Variants in EPYC observed in about 807,000 individuals in gnomAD.
EPYC encodes dermatan sulfate proteoglycan 3.
Under a neutral mutation model 30.1 loss-of-function variants are expected in EPYC, and 28 were observed. That is an observed-to-expected ratio of 0.93 (90% CI 0.69 to 1.28). EPYC has a LOEUF of 1.28. Among genes scored for constraint, EPYC ranks in the 50% most tolerant of loss-of-function variants. The pLI is 0.00. For missense variants in EPYC, 382 were observed against 383.5 expected (o/e 1.00, Z 0.03); for synonymous variants, 144 against 141.4 (o/e 1.02, Z -0.13).
intron 5 of EPYC, 93 bp from the exon 6 acceptor site, chr12:90,970,232 A>G: frequency 1.1e-6 from 1 of 874,568 alleles, no homozygotes. Context: ...TTCCCTCTAC[A>G]TGCAGATATT....
chr12:90,996,484 T>C (rs1877695648), intron 2 of EPYC, among the ~76,000 whole-genome samples: 1 of 151,956 alleles, frequency 6.6e-6, no homozygotes. Context: ...TGCACCATAT[T>C]ATAATAAAGA....
intron 2 of EPYC, among the ~76,000 whole-genome samples, chr12:90,979,688 G>T (rs557202182): frequency 6.6e-6 from 1 of 152,098 alleles, no homozygotes; most frequent in African/African-American, 2.4e-5. Context: ...GTATTACATT[G>T]GTTCCATTTG....
At chr12:90,965,970 T>G (rs142307334) in intron 6 of EPYC, among the ~76,000 whole-genome samples, 65 of 152,202 alleles carry the variant, frequency 4.3e-4, no homozygotes, top group African/African-American at 1.5e-3. Context: ...GATATTTGTA[T>G]ATTGATTTTG....
At chr12:90,969,511 A>C (rs1451319857) in intron 6 of EPYC, among the ~76,000 whole-genome samples, 2 of 117,146 alleles carry the variant, frequency 1.7e-5, no homozygotes, top group African/African-American at 6.0e-5. Context: ...CAAAACTTTC[A>C]AATATGGTGT....
intron 2 of EPYC, among the ~76,000 whole-genome samples, chr12:90,992,021 T>C (rs1877596441): frequency 6.6e-6 from 1 of 152,188 alleles, no homozygotes; most frequent in Non-Finnish European, 1.5e-5. Flanking sequence ...AGGTTGATTC[T>C]TCAGATCAGT....
chr12:90,969,923 A>G lies in EPYC; in HGVS notation c.798+121T>C, dbSNP rs527369710. ...GAGAGAATAAATGAGAAAAGAGAAAAAGAAGAAAAGTTATCACAGTGTGTC... is the reference window on the plus strand; with the variant it reads ...GAGAGAATAAATGAGAAAAGAGAAAGAGAAGAAAAGTTATCACAGTGTGTC... On this transcript the variant is annotated intron_variant, in intron 6 of 6. Transcript: ENST00000261172. 1.3e-5 allele frequency: 9 copies of G among 709,736 alleles called. No homozygotes were observed. In the South Asian group the frequency reaches 1.5e-4, roughly 12 times the overall value. The allele number at this position is 709,736 out of a possible 1,614,324, so 44.0% of individuals were successfully genotyped here. A position where few individuals can be genotyped will look rare whatever the true frequency, so the allele number is the denominator to read the frequency against.
intron 3 of EPYC, among the ~76,000 whole-genome samples, chr12:90,974,047 C>G (rs909888020): frequency 3.4e-5 from 5 of 148,276 alleles, no homozygotes; most frequent in African/African-American, 1.2e-4. Flanking sequence ...CTCACACACA[C>G]ACACACACAC....
At position 90,964,479 on chromosome 12, in the gene EPYC, A is replaced by C. The variant is rs1920740; in HGVS notation, c.799-153T>G. Among the ~76,000 whole-genome samples, 1 of 151,982 alleles carries C rather than the reference A, an allele frequency of 6.6e-6. No individual in the cohort carries two copies. Among genetic ancestry groups the C allele is most frequent in the African/African-American group, 2.4e-5 (1 of 41,346 alleles). ...GTATATGCCAAGCACTTTCTAAGCA[A>C]TGGGGGTAAATTAGGAAATAGACAT... On this transcript the variant is annotated intron_variant, in intron 6 of 6. Transcript: ENST00000261172.
chr12:90,973,710 G>T (rs375130074), intron 3 of EPYC, among the ~76,000 whole-genome samples: 2 of 152,214 alleles, frequency 1.3e-5, no homozygotes. Flanking sequence ...CACTTTGGAG[G>T]GACTGAAGGA....
At chr12:90,975,176 G>A (rs981600436) in intron 3 of EPYC, among the ~76,000 whole-genome samples, 4 of 151,956 alleles carry the variant, frequency 2.6e-5, no homozygotes, top group African/African-American at 4.8e-5. Context: ...TATTTAATAC[G>A]TGCTAATTTC....
intron 3 of EPYC, among the ~76,000 whole-genome samples, chr12:90,977,101 A>G (rs1409702401): frequency 1.3e-5 from 2 of 152,180 alleles, no homozygotes; most frequent in Non-Finnish European, 2.9e-5. Context: ...CTAGGCAGAA[A>G]TATTCATGAG....
intron 3 of EPYC, among the ~76,000 whole-genome samples, chr12:90,976,022 G>A (rs1877169284): frequency 6.6e-6 from 1 of 152,024 alleles, no homozygotes; most frequent in African/African-American, 2.4e-5. Flanking sequence ...CTAGTACATA[G>A]TGTTTTGACT....
intron 3 of EPYC, among the ~76,000 whole-genome samples, chr12:90,975,737 G>C (rs1877163886): frequency 6.6e-6 from 1 of 152,084 alleles, no homozygotes; most frequent in Non-Finnish European, 1.5e-5. Flanking sequence ...TTAAATATAA[G>C]TAATGTTCTA....
rs972735921 is a variant in EPYC at position 90,974,351 on chromosome 12, C to G, written c.341-1371G>C. On this transcript the variant is annotated intron_variant, in intron 3 of 6. Transcript: ENST00000261172. The stretch of plus-strand genomic sequence containing the variant: ...TTACAAGATTTGCAAAGTGAGGGAG[C>G]TGAAAGCCAGATTACAGTCCATTAA... Among the ~76,000 whole-genome samples the G allele has an allele frequency of 1.4e-4, 21 of 151,976 alleles. 1 individual carries two copies. The highest frequency in any genetic ancestry group is 2.9e-5 in the Non-Finnish European group (2 of 68,010).
At chr12:90,995,969 A>G (rs950657823) in intron 2 of EPYC, among the ~76,000 whole-genome samples, 1 of 151,886 alleles carries the variant, frequency 6.6e-6, no homozygotes, top group East Asian at 1.9e-4. Flanking sequence ...ATTCAGGCTG[A>G]TCGTGTTAAA....
In EPYC at chr12:90,972,906, G is replaced by T. The variant is rs140043768; in HGVS notation, c.415C>A (p.Pro139Thr). 34 of 1,612,656 alleles carry T rather than the reference G, an allele frequency of 2.1e-5. No individual in the cohort carries two copies. The highest frequency in any genetic ancestry group is 2.5e-5 in the Non-Finnish European group (30 of 1,178,890). Residue 139 changes from proline (P) to threonine (T), a missense_variant, in exon 4 of 7, where the codon CCT becomes ACT. Physicochemically the swap from Pro to Thr is conservative, Grantham distance 38. Coordinates refer to ENST00000261172, the MANE Select transcript of EPYC (RefSeq NM_004950.5). ...TAAGCGGTGTTCTTTGGCAGCGGAG[G>T]AATAGCATCAAGTTCATGGTCATCA... ...YCDDHELDAI[P>T]PLPKNTAYFY...
intron 2 of EPYC, among the ~76,000 whole-genome samples, chr12:90,978,835 A>T: frequency 6.6e-6 from 1 of 152,240 alleles, no homozygotes; most frequent in Admixed American, 6.5e-5. Context: ...TTATACTAAA[A>T]TAAAATATAT....
intron 1 of EPYC, among the ~76,000 whole-genome samples, 157 bp from the exon 2 acceptor site, chr12:91,002,735 G>A (rs1271582768): frequency 1.3e-5 from 2 of 152,008 alleles, no homozygotes; most frequent in Non-Finnish European, 2.9e-5. Flanking sequence ...AAAATCATCT[G>A]ATTTCCTAGG....
intron 2 of EPYC, among the ~76,000 whole-genome samples, chr12:90,992,975 T>C (rs754432604): frequency 2.0e-5 from 3 of 147,724 alleles, no homozygotes; most frequent in South Asian, 2.2e-4. Context: ...TTCTCCAAAT[T>C]GTGTTTGAGT....
Sources: gnomAD v4.1 joint callset for allele counts (sites outside exome capture counted in the v4.1 genomes callset) on GRCh38, gnomAD v4.1.1 for gene constraint, MANE v1.5 for transcripts, NCBI Gene and HGNC (gene_info 2026-07-23, HGNC 2026-07-21) for gene names.